The following DDX60 variants were observed in gnomAD, a reference collection of about 807,000 sequenced individuals.
DDX60 encodes the protein DExD/H-box helicase 60, also known as probable ATP-dependent RNA helicase DDX60.
DDX60 carries 165 observed loss-of-function variants against 212.8 expected under a neutral mutation model. The ratio of observed to expected loss-of-function variants is 0.78; its 90% CI spans 0.68 to 0.88. The LOEUF (loss-of-function observed/expected upper bound fraction) is 0.88. Ranked by LOEUF, DDX60 falls within the 40% of genes least tolerant of loss-of-function variation. The pLI, the probability that DDX60 is intolerant of heterozygous loss-of-function variation, is 0.00. For missense variants in DDX60, 1,905 were observed against 2,003.9 expected (o/e 0.95, Z 0.94); for synonymous variants, 703 against 685.3 (o/e 1.03, Z -0.40).
chr4:168,283,810 T>C (rs1423823705), intron 12 of DDX60, among the ~76,000 whole-genome samples: 2 of 150,556 alleles, frequency 1.3e-5, no homozygotes, highest in Non-Finnish European at 2.9e-5. Flanking sequence ...CACACTTTCA[T>C]GGTCTACCTC....
chr4:168,225,609 T>C lies in DDX60; in HGVS notation c.4601A>G (p.Glu1534Gly). The change falls in exon 34 of 38, where the codon GAG becomes GGG. Residue 1534 changes from glutamate (E) to glycine (G), a missense_variant. By Grantham distance (98) the Glu-to-Gly change is moderately conservative. Coordinates refer to ENST00000393743, the MANE Select transcript of DDX60 (RefSeq NM_017631.6). ...AATTCGTAGGAAAGTGGTAAAGTCC[T>C]CCATAATTTTCATGTTATATTCATC... ...ALDEYNMKIMEDFTTFLRIVS... is the reference protein window; with the variant it reads ...ALDEYNMKIMGDFTTFLRIVS... 6.2e-7 allele frequency: 1 copy of C among 1,611,820 alleles called. No individual in the cohort carries two copies. The highest frequency in any genetic ancestry group is 8.5e-7 in the Non-Finnish European group (1 of 1,178,902).
chr4:168,320,570 G>T (rs900266668), upstream of DDX60, among the ~76,000 whole-genome samples: 1 of 152,136 alleles, frequency 6.6e-6, no homozygotes, highest in Non-Finnish European at 1.5e-5. Flanking sequence ...GAACAAACTT[G>T]TGTGGTATTA....
intron 26 of DDX60, among the ~76,000 whole-genome samples, chr4:168,254,078 A>G (rs1303046357): frequency 6.6e-6 from 1 of 152,232 alleles, no homozygotes; most frequent in Non-Finnish European, 1.5e-5. Context: ...TCCACATATT[A>G]TTGCCTCACT....
At position 168,248,205 on chromosome 4, in the gene DDX60, C is replaced by T; in HGVS notation, c.3946G>A (p.Ala1316Thr). The T allele has an allele frequency of 6.2e-7, 1 of 1,608,932 alleles. No individual in the cohort carries two copies. Among genetic ancestry groups the T allele is most frequent in the Non-Finnish European group, 8.5e-7 (1 of 1,178,226 alleles). Residue 1316 changes from alanine (A) to threonine (T), a missense_variant, in exon 29 of 38, where the codon GCG becomes ACG. By Grantham distance (58) the Ala-to-Thr change is moderately conservative. Transcript: ENST00000393743. ...TGCAATACCTGTCTATAATTCAACG[C>T]ATCCAGATAGACTGAGTTTTGAGCA... is the stretch of plus-strand genomic sequence containing the variant. ...VFAQNSVYLDALNYRQMSGRA... is the reference protein window; with the variant it reads ...VFAQNSVYLDTLNYRQMSGRA...
rs1736233708 is a variant in DDX60, at chr4:168,294,068, AC to A, written c.724-124del. On this transcript the variant is annotated intron_variant, in intron 6 of 37. Coordinates refer to ENST00000393743, the MANE Select transcript of DDX60 (RefSeq NM_017631.6). ...TGTGACAAAATAATCTGTACAACAA[AC>A]CCCCGTGACACAAGTTTACCTCCAT... 5.1e-6 allele frequency: 4 copies of A among 778,776 alleles called. No individual in the cohort carries two copies. In the South Asian group the frequency reaches 9.9e-5, roughly 19 times the overall value. The allele number at this position is 778,776 out of a possible 1,614,324, so 48.2% of individuals were successfully genotyped here.
At chr4:168,241,820 G>T (rs909412876) in intron 30 of DDX60, among the ~76,000 whole-genome samples, 1 of 152,132 alleles carries the variant, frequency 6.6e-6, no homozygotes, top group Non-Finnish European at 1.5e-5. Context: ...GTAATAGGGA[G>T]CCAAACATTA....
chr4:168,262,746 A>G lies in DDX60; in HGVS notation c.3081T>C (p.Pro1027=). 4 of 1,612,612 alleles carry G rather than the reference A, an allele frequency of 2.5e-6. No individual in the cohort carries two copies. Among genetic ancestry groups the G allele is most frequent in the Non-Finnish European group, 3.4e-6 (4 of 1,179,188 alleles). The part of the protein sequence containing the change: ...YGFPPDLTLS[P]RESIQLYDAM... ...CATCATACAGCTGGATGCTTTCTCG[A>G]GGTGAAAGGGTAAGATCAGGAGGGA... is the stretch of plus-strand genomic sequence containing the variant. Residue 1027 remains proline (P), a synonymous_variant, in exon 23 of 38, where the codon CCT becomes CCC. Coordinates refer to ENST00000393743, the MANE Select transcript of DDX60 (RefSeq NM_017631.6).
intron 36 of DDX60, 134 bp downstream of exon 36, chr4:168,221,596 A>T (rs916730999): frequency 6.7e-6 from 6 of 899,232 alleles, no homozygotes; most frequent in Non-Finnish European, 9.3e-6. Flanking sequence ...AAAAAAAATC[A>T]ATCTAGTATG....
intron 32 of DDX60, 56 bp from the exon 33 acceptor site, chr4:168,236,429 C>T: frequency 6.9e-7 from 1 of 1,448,390 alleles, no homozygotes; most frequent in Non-Finnish European, 9.3e-7. Flanking sequence ...TCTATTTTTT[C>T]ATGTTTAAAT....
At chr4:168,220,568 C>T (rs1403473017) in intron 37 of DDX60, 87 bp downstream of exon 37, 3 of 763,052 alleles carry the variant, frequency 3.9e-6, no homozygotes, top group Non-Finnish European at 6.2e-6. Context: ...CCTTCATGTA[C>T]CTGGCTTATA....
chr4:168,296,319 G>T (rs911964575), intron 6 of DDX60, among the ~76,000 whole-genome samples: 1 of 151,796 alleles, frequency 6.6e-6, no homozygotes, highest in South Asian at 2.1e-4. Context: ...AAAAAGAATA[G>T]AAACTATTTA....
intron 14 of DDX60, among the ~76,000 whole-genome samples, chr4:168,278,181 A>C (rs1270329780): frequency 6.6e-6 from 1 of 152,260 alleles, no homozygotes; most frequent in African/African-American, 2.4e-5. Flanking sequence ...TGACTTAATA[A>C]GTGAAGAAAA....
chr4:168,224,460 A>C (rs1278904332), intron 34 of DDX60, 75 bp from the exon 35 acceptor site: 1 of 1,446,170 alleles, frequency 6.9e-7, no homozygotes, highest in Non-Finnish European at 9.6e-7. Flanking sequence ...CTTTCTCTAG[A>C]CCATGTTACA....
intron 1 of DDX60, among the ~76,000 whole-genome samples, chr4:168,317,026 C>G (rs1278147859): frequency 6.9e-6 from 1 of 144,398 alleles, no homozygotes; most frequent in African/African-American, 2.6e-5. Context: ...CCACTGCATT[C>G]CAGCCTGGGC....
chr4:168,263,553 A>ATGGT (rs1163046125), intron 22 of DDX60: 4 of 152,138 alleles, frequency 2.6e-5, no homozygotes. Context: ...CCCCAATGTG[A>ATGGT]TGGTATCTGG....
chr4:168,285,937 A>G (rs868842077), intron 10 of DDX60, among the ~76,000 whole-genome samples: 22 of 97,306 alleles, frequency 2.3e-4, no homozygotes, highest in South Asian at 2.0e-3. Context: ...GGAAGGAAGG[A>G]AGGGAGGAAG....
intron 5 of DDX60, among the ~76,000 whole-genome samples, chr4:168,303,463 G>A (rs1736738880): frequency 6.6e-6 from 1 of 152,146 alleles, no homozygotes; most frequent in African/African-American, 2.4e-5. Context: ...GCTCAGAGTA[G>A]GCAACCAGAA....
intron 32 of DDX60, 146 bp from the exon 33 acceptor site, chr4:168,236,519 G>A (rs1033838197): frequency 1.1e-4 from 77 of 677,428 alleles, no homozygotes; most frequent in Non-Finnish European, 1.5e-4. Flanking sequence ...CCATATATCC[G>A]CTAATAGTTT....
chr4:168,263,522 AC>A (rs2149512906), intron 22 of DDX60: 1 of 152,276 alleles, frequency 6.6e-6, no homozygotes, highest in Admixed American at 6.5e-5. Flanking sequence ...TTCCCCCAAA[AC>A]TTACATATTG....
Sources: gnomAD v4.1 joint callset for allele counts (sites outside exome capture counted in the v4.1 genomes callset) on GRCh38, gnomAD v4.1.1 for gene constraint, MANE v1.5 for transcripts, NCBI Gene and HGNC (gene_info 2026-07-23, HGNC 2026-07-21) for gene names.